The following SGIP1 variants were observed in gnomAD, a reference collection of about 807,000 sequenced individuals.
SGIP1 encodes SH3-containing GRB2-like protein 3-interacting protein 1.
Under a neutral mutation model 107.5 loss-of-function variants are expected in SGIP1, and 38 were observed. That is an observed-to-expected ratio of 0.35 (90% confidence interval 0.27 to 0.46). SGIP1 has a LOEUF of 0.46. SGIP1 is among the 20% of genes least tolerant of loss of function. SGIP1 has a pLI of 1.00. For synonymous variants in SGIP1, 365 were observed against 366.1 expected, an observed-to-expected ratio of 1.00 and a Z score of 0.03; for missense variants, 929 against 1,019.5, an observed-to-expected ratio of 0.91 and a Z score of 1.21.
At chr1:66,660,119 G>GGAAA (rs1217131896) in intron 7 of SGIP1, 3 of 92,804 alleles carry the variant, frequency 3.2e-5, no homozygotes, top group Non-Finnish European at 4.9e-5. Flanking sequence ...AAGGAAGGAA[G>GGAAA]GAAAGAAAGA....
At chr1:66,738,332 C>A (rs1005393313) in intron 21 of SGIP1, among the ~76,000 whole-genome samples, 21 of 152,240 alleles carry the variant, frequency 1.4e-4, no homozygotes, top group African/African-American at 4.6e-4. Context: ...TTGTTTATAT[C>A]CTTCAAAATC....
chr1:66,638,720 A>G (rs915387609), intron 4 of SGIP1, among the ~76,000 whole-genome samples: 6 of 152,170 alleles, frequency 3.9e-5, no homozygotes, highest in Non-Finnish European at 7.3e-5. Context: ...TAGTGATCCT[A>G]TGTGCACACA....
At chr1:66,714,255 G>A (rs913287317) in intron 18 of SGIP1, among the ~76,000 whole-genome samples, 1 of 152,000 alleles carries the variant, frequency 6.6e-6, no homozygotes, top group South Asian at 2.1e-4. Flanking sequence ...ATTGTCCCTT[G>A]ACATACAGAT....
At chr1:66,653,801 T>C (rs2149605410) in intron 7 of SGIP1, among the ~76,000 whole-genome samples, 1 of 152,352 alleles carries the variant, frequency 6.6e-6, no homozygotes, top group South Asian at 2.1e-4. Context: ...TTTTATACCT[T>C]TAAGGTCTGC....
intron 8 of SGIP1, among the ~76,000 whole-genome samples, chr1:66,662,908 G>T (rs1328056006): frequency 1.3e-5 from 2 of 152,094 alleles, no homozygotes; most frequent in Non-Finnish European, 2.9e-5. Context: ...AATAATAACA[G>T]CAGATAGAAT....
At chr1:66,661,378 T>C (rs938159511) in intron 8 of SGIP1, among the ~76,000 whole-genome samples, 2 of 152,192 alleles carry the variant, frequency 1.3e-5, no homozygotes, top group African/African-American at 4.8e-5. Flanking sequence ...TCACCTCTTA[T>C]GCTTCCCGCT....
intron 18 of SGIP1, among the ~76,000 whole-genome samples, chr1:66,713,725 T>C (rs2093060681): frequency 1.3e-5 from 2 of 152,098 alleles, no homozygotes; most frequent in Admixed American, 6.6e-5. Flanking sequence ...GTCTAATTAT[T>C]ACAGGAACTC....
rs117320928 is a variant in SGIP1, at chr1:66,678,826, G to A, written c.740-852G>A. 1.9e-4 allele frequency among the ~76,000 whole-genome samples: 29 copies of A among 152,274 alleles called. No individual in the cohort carries two copies. In the East Asian group the frequency reaches 4.2e-3, roughly 22 times the overall value. Reference sequence around the variant, plus strand: ...CATGTGCCTACCTGCCTCCCTCTGCGTTTAGGTTATGAGAGATTGGACGGC... The same window carrying A: ...CATGTGCCTACCTGCCTCCCTCTGCATTTAGGTTATGAGAGATTGGACGGC... On this transcript the variant is annotated intron_variant, in intron 13 of 24. Transcript: ENST00000371037.
In SGIP1 at chr1:66,643,804, C is replaced by T. The variant is rs114694782; in HGVS notation, c.459+85C>T. On this transcript the variant is annotated intron_variant, in intron 7 of 24. Transcript: ENST00000371037. ...CTATATGCATTAAGTCAATCAGAAA[C>T]TCCTTAAATTGAAGCCTGCATATGG... 1,982 of 1,266,568 alleles carry T rather than the reference C, an allele frequency of 1.6e-3. 12 individuals are homozygous for T. The African/African-American group carries it at 0.019, about 12-fold the overall frequency. 78.5% of individuals were successfully genotyped at this position (1,266,568 alleles called of 1,614,324 possible).
At chr1:66,590,286 T>C (rs1557994444) in intron 1 of SGIP1, among the ~76,000 whole-genome samples, 1 of 152,200 alleles carries the variant, frequency 6.6e-6, no homozygotes, top group Non-Finnish European at 1.5e-5. Context: ...GTTATTTTTC[T>C]TGTGCATTCC....
At chr1:66,639,857 C>T in intron 5 of SGIP1, 24 bp downstream of exon 5, 1 of 1,591,624 alleles carries the variant, frequency 6.3e-7, no homozygotes, top group African/African-American at 1.3e-5. Flanking sequence ...GAGTGTTTCT[C>T]TTTATTAAGT....
chr1:66,648,827 G>A (rs184321884), intron 7 of SGIP1, among the ~76,000 whole-genome samples: 25 of 152,214 alleles, frequency 1.6e-4, no homozygotes, highest in African/African-American at 6.0e-4. Context: ...GATTGTCCTG[G>A]GCCCCAGCCC....
At chr1:66,633,546 G>A (rs972402484) in intron 3 of SGIP1, among the ~76,000 whole-genome samples, 1 of 152,180 alleles carries the variant, frequency 6.6e-6, no homozygotes, top group African/African-American at 2.4e-5. Flanking sequence ...AAATTCAAAA[G>A]TAGGAGATGG....
intron 19 of SGIP1, among the ~76,000 whole-genome samples, chr1:66,724,887 A>G (rs1206677536): frequency 6.6e-6 from 1 of 152,210 alleles, no homozygotes; most frequent in Non-Finnish European, 1.5e-5. Flanking sequence ...ATTCTAAGTG[A>G]TGGTAGGTGC....
At chr1:66,567,406 C>T (rs1571441501) in intron 1 of SGIP1, among the ~76,000 whole-genome samples, 1 of 151,958 alleles carries the variant, frequency 6.6e-6, no homozygotes, top group African/African-American at 2.4e-5. Flanking sequence ...AATATTAGAC[C>T]TTTGTCAGAT....
At chr1:66,604,954 A>G (rs1353374420) in intron 1 of SGIP1, among the ~76,000 whole-genome samples, 2 of 152,104 alleles carry the variant, frequency 1.3e-5, no homozygotes, top group East Asian at 1.9e-4. Flanking sequence ...TAGGGCTCCC[A>G]TCATATATTT....
intron 1 of SGIP1, among the ~76,000 whole-genome samples, chr1:66,583,624 C>T (rs2062134430): frequency 6.6e-6 from 1 of 152,156 alleles, no homozygotes; most frequent in Admixed American, 6.6e-5. Context: ...TTTGCAGCCT[C>T]AGCTGTGCTT....
chr1:66,593,963 G>A (rs11208916), intron 1 of SGIP1, among the ~76,000 whole-genome samples: 26,720 of 152,062 alleles, frequency 0.18, 2,507 homozygotes, highest in East Asian at 0.31. Context: ...ATTCCGATTA[G>A]CATTGAATGT....
intron 1 of SGIP1, among the ~76,000 whole-genome samples, chr1:66,571,824 A>T (rs994162889): frequency 1.3e-5 from 2 of 150,144 alleles, no homozygotes; most frequent in African/African-American, 5.0e-5. Context: ...CCTTTTCATG[A>T]CTCCAAGTCT....
Sources: allele counts gnomAD v4.1 joint callset (sites outside exome capture counted in the v4.1 genomes callset), GRCh38; gene constraint gnomAD v4.1.1; transcripts MANE v1.5; gene names NCBI Gene and HGNC (gene_info 2026-07-23, HGNC 2026-07-21).